Variants in TDRD3 observed in about 807,000 individuals in gnomAD.
TDRD3 encodes the protein tudor domain containing 3.
Under a neutral mutation model 86.7 loss-of-function variants are expected in TDRD3, and 45 were observed. The observed-to-expected ratio is 0.52, with a 90% CI of 0.41 to 0.67. The LOEUF is 0.67. Among genes scored for constraint, TDRD3 ranks in the 30% least tolerant of loss-of-function variants. The pLI is 0.00. For missense variants in TDRD3, 814 were observed against 889.0 expected, an observed-to-expected ratio of 0.92 and a Z score of 1.07; for synonymous variants, 298 against 301.7, an observed-to-expected ratio of 0.99 and a Z score of 0.13.
At chr13:60,542,751 C>G (rs547632431) in intron 12 of TDRD3, among the ~76,000 whole-genome samples, 1 of 152,266 alleles carries the variant, frequency 6.6e-6, no homozygotes, top group Non-Finnish European at 1.5e-5. Flanking sequence ...CTTTTATCGT[C>G]TTATGAGTCA....
At chr13:60,428,566 G>A (rs1486333093) in intron 1 of TDRD3, among the ~76,000 whole-genome samples, 1 of 152,158 alleles carries the variant, frequency 6.6e-6, no homozygotes. Flanking sequence ...ATACAATAGT[G>A]CAGTGGGGGT....
intron 12 of TDRD3, among the ~76,000 whole-genome samples, chr13:60,539,866 C>T (rs758105746): frequency 3.3e-5 from 5 of 151,742 alleles, no homozygotes; most frequent in South Asian, 4.2e-4. Context: ...AGATAAAGGT[C>T]GTGTTAGTAA....
chr13:60,567,449 G>T (rs2137995412), intron 12 of TDRD3, 76 bp from the exon 13 acceptor site: 1 of 1,588,626 alleles, frequency 6.3e-7, no homozygotes, highest in Middle Eastern at 1.7e-4. Flanking sequence ...TATTAAAATA[G>T]GGACCATACA....
upstream of TDRD3, chr13:60,396,455 G>C (rs944365782): frequency 2.0e-5 from 3 of 152,264 alleles, no homozygotes; most frequent in African/African-American, 7.2e-5. Context: ...GCCCACTCAG[G>C]GACCCACCCT....
chr13:60,419,646 AAGGG>A (rs533021100), intron 1 of TDRD3, among the ~76,000 whole-genome samples: 82 of 152,174 alleles, frequency 5.4e-4, no homozygotes, highest in Non-Finnish European at 1.1e-3. Flanking sequence ...GCGGGGGGCA[AAGGG>A]AGGGAGAACA....
intron 10 of TDRD3, among the ~76,000 whole-genome samples, chr13:60,526,411 A>G (rs1326507372): frequency 6.6e-6 from 1 of 152,146 alleles, no homozygotes; most frequent in Non-Finnish European, 1.5e-5. Flanking sequence ...AAGCCAATAT[A>G]TGCCTTCTGC....
At chr13:60,555,848 C>CTTTTTTT (rs770710929) in intron 12 of TDRD3, among the ~76,000 whole-genome samples, 5 of 136,136 alleles carry the variant, frequency 3.7e-5, no homozygotes, top group Non-Finnish European at 4.7e-5. Flanking sequence ...CAACCTATTT[C>CTTTTTTT]TTTCTTTTTT....
chr13:60,443,060 C>T (rs146637239), intron 2 of TDRD3, among the ~76,000 whole-genome samples: 3 of 151,948 alleles, frequency 2.0e-5, no homozygotes, highest in East Asian at 1.9e-4. Context: ...TAAATGTTTT[C>T]ATGAACTGTT....
At chr13:60,556,059 G>A (rs1383859508) in intron 12 of TDRD3, among the ~76,000 whole-genome samples, 5 of 152,080 alleles carry the variant, frequency 3.3e-5, no homozygotes, top group African/African-American at 1.2e-4. Flanking sequence ...AGTTAGCCAG[G>A]ATGGTCTCGA....
chr13:60,520,878 CTTTG>C (rs1957272594), intron 10 of TDRD3, among the ~76,000 whole-genome samples: 1 of 152,188 alleles, frequency 6.6e-6, no homozygotes, highest in Non-Finnish European at 1.5e-5. Context: ...ATTCCAAACG[CTTTG>C]TTTGGGCCCA....
At chr13:60,568,157 T>A (rs559685020) in intron 13 of TDRD3, among the ~76,000 whole-genome samples, 1 of 152,214 alleles carries the variant, frequency 6.6e-6, no homozygotes, top group Non-Finnish European at 1.5e-5. Flanking sequence ...TAAAAATTAG[T>A]TCTGCCATCC....
chr13:60,509,898 GT>G lies in TDRD3; in HGVS notation c.996del (p.Met333TrpfsTer5). 6.2e-7 allele frequency: 1 copy of G among 1,613,592 alleles called. No homozygotes were observed. The highest frequency in any genetic ancestry group is 8.5e-7 in the Non-Finnish European group (1 of 1,179,602). Reference sequence around the variant, plus strand: ...TCTTACAAGCAATAAACAGAAACCTGTTATGGGTCCTCCTCTGAGAGGTATA... The same window carrying G: ...TCTTACAAGCAATAAACAGAAACCTGTATGGGTCCTCCTCTGAGAGGTATA... ...VLLTSNKQKP[V>X]MGPPLRGRGK... On this transcript the variant is annotated frameshift_variant, in exon 9 of 14. Transcript: ENST00000377881. LOFTEE classifies it high-confidence loss of function.
At chr13:60,567,968 C>T (rs1958504067) in intron 13 of TDRD3, among the ~76,000 whole-genome samples, 1 of 151,300 alleles carries the variant, frequency 6.6e-6, no homozygotes, top group South Asian at 2.1e-4. Context: ...AACTCCTGAG[C>T]TCAGGTAATC....
At chr13:60,563,609 C>A (rs973459309) in intron 12 of TDRD3, among the ~76,000 whole-genome samples, 1 of 152,182 alleles carries the variant, frequency 6.6e-6, no homozygotes, top group Admixed American at 6.5e-5. Context: ...GAGGGAATAA[C>A]AACTCCTTCC....
At chr13:60,493,897 T>C (rs1289175657) in intron 7 of TDRD3, among the ~76,000 whole-genome samples, 1 of 152,324 alleles carries the variant, frequency 6.6e-6, no homozygotes, top group Admixed American at 6.5e-5. Flanking sequence ...AAATACAGAC[T>C]TAAAAGCTTT....
At chr13:60,549,741 T>C (rs1266223236) in intron 12 of TDRD3, among the ~76,000 whole-genome samples, 1 of 152,132 alleles carries the variant, frequency 6.6e-6, no homozygotes, top group Non-Finnish European at 1.5e-5. Context: ...CTCATGAGGC[T>C]TAACCTATTG....
At chr13:60,396,641 C>T (rs1953916772), upstream of TDRD3, 1 of 153,714 alleles carries the variant, frequency 6.5e-6, no homozygotes, top group Non-Finnish European at 1.4e-5. Flanking sequence ...CCCATGTCCC[C>T]TAAAAGCAGG....
intron 5 of TDRD3, among the ~76,000 whole-genome samples, chr13:60,473,588 CATTA>C (rs775265085): frequency 5.5e-4 from 84 of 152,218 alleles, no homozygotes; most frequent in Non-Finnish European, 9.6e-4. Context: ...ATGTGAATAT[CATTA>C]ATTATTAGTT....
At chr13:60,406,032 A>G (rs886509775) in intron 1 of TDRD3, among the ~76,000 whole-genome samples, 1 of 152,150 alleles carries the variant, frequency 6.6e-6, no homozygotes. Flanking sequence ...TCAGTTAGGG[A>G]CTGTTAGAAG....
Sources: allele counts gnomAD v4.1 joint callset (sites outside exome capture counted in the v4.1 genomes callset), GRCh38; gene constraint gnomAD v4.1.1; transcripts MANE v1.5; gene names NCBI Gene and HGNC (gene_info 2026-07-23, HGNC 2026-07-21).